The following EXT1 variants were observed in gnomAD, a reference collection of about 807,000 sequenced individuals.
EXT1 encodes exostosin-1.
Under a neutral mutation model 82.5 loss-of-function variants are expected in EXT1, and 20 were observed. The ratio of observed to expected loss-of-function variants is 0.24; its 90% CI spans 0.17 to 0.35. EXT1 has a LOEUF of 0.35. Ranked by LOEUF, EXT1 falls within the 10% of genes least tolerant of loss-of-function variation. The pLI is 1.00. For synonymous variants in EXT1, 348 were observed against 350.8 expected (o/e 0.99, Z 0.09); for missense variants, 757 against 936.5 (o/e 0.81, Z 2.50).
intron 1 of EXT1, among the ~76,000 whole-genome samples, chr8:117,968,078 T>G (rs1814859294): frequency 6.6e-6 from 1 of 152,234 alleles, no homozygotes; most frequent in Non-Finnish European, 1.5e-5. Flanking sequence ...AACATCATGT[T>G]GTATGCCTTA....
chr8:117,852,102 G>A (rs2129833142), intron 1 of EXT1, among the ~76,000 whole-genome samples: 1 of 152,304 alleles, frequency 6.6e-6, no homozygotes, highest in African/African-American at 2.4e-5. Flanking sequence ...CTCCCATTTT[G>A]TAGAAGAGGA....
At chr8:118,008,629 C>T (rs1174842057) in intron 1 of EXT1, among the ~76,000 whole-genome samples, 4 of 152,114 alleles carry the variant, frequency 2.6e-5, no homozygotes, top group African/African-American at 9.7e-5. Flanking sequence ...TGAAGATATT[C>T]AATACCATTT....
intron 4 of EXT1, among the ~76,000 whole-genome samples, chr8:117,827,923 C>T (rs1812034149): frequency 6.7e-6 from 1 of 149,572 alleles, no homozygotes; most frequent in South Asian, 2.1e-4. Flanking sequence ...TGATTTACTG[C>T]AATGATGTAC....
In EXT1 at chr8:117,871,176, G is replaced by T. The variant is rs542716550; in HGVS notation, c.963-33975C>A. 1.7e-3 allele frequency among the ~76,000 whole-genome samples: 252 copies of T among 152,158 alleles called. 2 individuals carry two copies. Among genetic ancestry groups the T allele is most frequent in the African/African-American group, 5.9e-3 (245 of 41,494 alleles). ...TTAGTTTTAGCTGTATTCTCCCATG[G>T]TTTTCTGATATAATCAAGGAAAAAA... On this transcript the variant is annotated intron_variant, in intron 1 of 10. Transcript: ENST00000378204.
chr8:118,086,724 A>C (rs1817425863), intron 1 of EXT1, among the ~76,000 whole-genome samples: 1 of 152,204 alleles, frequency 6.6e-6, no homozygotes, highest in Admixed American at 6.5e-5. Flanking sequence ...TCAATGCAAA[A>C]AGATAATGTA....
intron 1 of EXT1, among the ~76,000 whole-genome samples, chr8:118,054,136 A>G (rs562308753): frequency 8.5e-5 from 13 of 152,340 alleles, no homozygotes; most frequent in Middle Eastern, 3.4e-3. Flanking sequence ...GAACAGTCAG[A>G]TAAGTATTTT....
At chr8:117,948,698 C>T (rs191404929) in intron 1 of EXT1, among the ~76,000 whole-genome samples, 22 of 152,356 alleles carry the variant, frequency 1.4e-4, no homozygotes, top group Admixed American at 4.6e-4. Flanking sequence ...TTTCTTCCTC[C>T]TGCCATGTAT....
chr8:117,867,042 C>T (rs28429478), intron 1 of EXT1, among the ~76,000 whole-genome samples: 5,356 of 151,890 alleles, frequency 0.035, 322 homozygotes, highest in African/African-American at 0.12. Context: ...GGGTGGATCG[C>T]GAGGTCAGGA....
Position 118,111,237 on chromosome 8 carries a change from C to G in EXT1, c.-191G>C, listed in dbSNP as rs961929408. The G allele has an allele frequency of 8.7e-6, 7 of 804,716 alleles. No homozygotes were observed. The highest frequency in any genetic ancestry group is 1.4e-5 in the Non-Finnish European group (7 of 498,378). The allele number at this position is 804,716 out of a possible 1,614,324, so 49.8% of individuals were successfully genotyped here. On this transcript the variant is annotated 5_prime_UTR_variant, in exon 1 of 11. Transcript: ENST00000378204. Reference sequence around the variant, plus strand: ...GCATGTGGGCGATTTCTTTAACTTTCTCCCCTTCGGTCTTTCATCTTTGGG... The same window carrying G: ...GCATGTGGGCGATTTCTTTAACTTTGTCCCCTTCGGTCTTTCATCTTTGGG...
intron 1 of EXT1, among the ~76,000 whole-genome samples, chr8:117,916,390 G>A (rs751563859): frequency 5.9e-5 from 9 of 152,140 alleles, no homozygotes; most frequent in African/African-American, 1.7e-4. Context: ...ACAGGTGTGC[G>A]CACCCACACA....
chr8:117,892,468 C>T (rs1813261456), intron 1 of EXT1, among the ~76,000 whole-genome samples: 1 of 152,176 alleles, frequency 6.6e-6, no homozygotes, highest in Non-Finnish European at 1.5e-5. Context: ...AACTGGGAGA[C>T]TGCTGAGGAA....
Position 117,799,628 on chromosome 8 carries a change from C to T in EXT1, c.*84G>A. 1 of 1,506,254 alleles carries T rather than the reference C, an allele frequency of 6.6e-7. No individual in the cohort carries two copies. Among genetic ancestry groups the T allele is most frequent in the Non-Finnish European group, 9.2e-7 (1 of 1,083,138 alleles). 93.3% of individuals were successfully genotyped at this position (1,506,254 alleles called of 1,614,324 possible). ...GGATAGTTGGCACAATCTGGCTCTG[C>T]TGATGAGTGGATCTGCACTGGGAAG... On this transcript the variant is annotated 3_prime_UTR_variant, in exon 11 of 11. Coordinates refer to ENST00000378204, the MANE Select transcript of EXT1 (RefSeq NM_000127.3).
At chr8:117,878,513 C>T (rs1001509372) in intron 1 of EXT1, among the ~76,000 whole-genome samples, 9 of 152,148 alleles carry the variant, frequency 5.9e-5, no homozygotes, top group African/African-American at 2.2e-4. Flanking sequence ...TCATGGAGCC[C>T]TTATTTTATC....
intron 1 of EXT1, among the ~76,000 whole-genome samples, chr8:117,909,306 C>T (rs538567885): frequency 3.3e-5 from 5 of 152,104 alleles, no homozygotes; most frequent in Non-Finnish European, 7.3e-5. Flanking sequence ...AAAGAAAATT[C>T]ACTTCTAGCA....
chr8:118,098,640 T>A (rs1817662080), intron 1 of EXT1, among the ~76,000 whole-genome samples: 2 of 151,562 alleles, frequency 1.3e-5, no homozygotes, highest in South Asian at 4.2e-4. Flanking sequence ...GTGCCTGTAG[T>A]CCCAGCTACT....
chr8:117,822,431 A>T, intron 5 of EXT1, 34 bp downstream of exon 5: 1 of 1,610,696 alleles, frequency 6.2e-7, no homozygotes, highest in Non-Finnish European at 8.5e-7. Context: ...CTTCAGGGTA[A>T]ACAAGGGCAA....
At chr8:118,040,238 A>G (rs1816504878) in intron 1 of EXT1, among the ~76,000 whole-genome samples, 1 of 152,158 alleles carries the variant, frequency 6.6e-6, no homozygotes, top group Admixed American at 6.5e-5. Flanking sequence ...CGCCTTTTGC[A>G]ATTCTCTCTT....
intron 1 of EXT1, among the ~76,000 whole-genome samples, chr8:117,837,880 G>A (rs1185854720): frequency 6.6e-6 from 1 of 151,942 alleles, no homozygotes; most frequent in Non-Finnish European, 1.5e-5. Flanking sequence ...CCTGAACTAG[G>A]AGGGGGTACA....
At chr8:117,976,106 G>A (rs573388328) in intron 1 of EXT1, among the ~76,000 whole-genome samples, 15 of 152,224 alleles carry the variant, frequency 9.9e-5, no homozygotes, top group African/African-American at 3.6e-4. Context: ...TTAAGCAAAT[G>A]TACACATGAG....
Sources: gnomAD v4.1 joint callset for allele counts (sites outside exome capture counted in the v4.1 genomes callset) on GRCh38, gnomAD v4.1.1 for gene constraint, MANE v1.5 for transcripts, NCBI Gene and HGNC (gene_info 2026-07-23, HGNC 2026-07-21) for gene names.